EFNA2: variants seen among roughly 807,000 people sequenced by gnomAD.
EFNA2 encodes ephrin A2.
In EFNA2, 18 loss-of-function variants were observed where a neutral mutation model predicts 19.7. That is an observed-to-expected ratio of 0.91 (90% CI 0.63 to 1.35). The LOEUF (loss-of-function observed/expected upper bound fraction) is 1.35. Among genes scored for constraint, EFNA2 ranks in the 40% most tolerant of loss-of-function variants. EFNA2 has a pLI of 0.00. For missense variants in EFNA2, 303 were observed against 296.0 expected, an observed-to-expected ratio of 1.02 and a Z score of -0.17; for synonymous variants, 187 against 137.8, an observed-to-expected ratio of 1.36 and a Z score of -2.50.
At chr19:1,290,638 G>A (rs1330323068) in intron 1 of EFNA2, among the ~76,000 whole-genome samples, 3 of 152,250 alleles carry the variant, frequency 2.0e-5, no homozygotes, top group Non-Finnish European at 4.4e-5. Context: ...CCCGGGACAC[G>A]GCTTCTCTCC....
rs116801141 is a variant in EFNA2 at position 1,300,183 on chromosome 19, C to A, written c.*238C>A. The A allele has an allele frequency of 5.2e-4, 159 of 306,618 alleles. 1 individual carries two copies. The highest frequency in any genetic ancestry group is 3.8e-3 in the African/African-American group (147 of 38,984). The allele number at this position is 306,618 out of a possible 1,614,324, so 19.0% of individuals were successfully genotyped here. On this transcript the variant is annotated 3_prime_UTR_variant, in exon 4 of 4. Transcript: ENST00000215368. ...GGCCCGAGGGGCCGGGGTGTGGATG[C>A]GGACCGTGGCCAGGCCATCTCCTCT...
At position 1,294,434 on chromosome 19, in the gene EFNA2, G is replaced by A. The variant is rs1362668770; in HGVS notation, c.141-1111G>A. ...TGTGGGTTGCGTCTGGGGGACCTCA[G>A]GGCAAAGGCCTGGAGGCAGGGCTGG... is the stretch of plus-strand genomic sequence containing the variant. On this transcript the variant is annotated intron_variant, in intron 1 of 3. Transcript: ENST00000215368. The surrounding 1 kb of genome is among the most constrained non-coding windows in gnomAD (Gnocchi z 5.8). 2.0e-5 allele frequency among the ~76,000 whole-genome samples: 3 copies of A among 152,318 alleles called. No homozygotes were observed. Among genetic ancestry groups the A allele is most frequent in the East Asian group, 3.9e-4 (2 of 5,176 alleles).
chr19:1,292,859 C>T (rs1021466681), intron 1 of EFNA2, among the ~76,000 whole-genome samples: 10 of 152,310 alleles, frequency 6.6e-5, no homozygotes, highest in Admixed American at 5.9e-4. Context: ...CCTGGCCGCT[C>T]AGCCACACAG....
chr19:1,284,721 C>T (rs1349137450), upstream of EFNA2, among the ~76,000 whole-genome samples: 3 of 152,344 alleles, frequency 2.0e-5, no homozygotes, highest in South Asian at 4.1e-4. This position sits in a 1 kb window ranked among gnomAD's most constrained non-coding sequence, Gnocchi z 5.3. Flanking sequence ...TCTGGGTTCA[C>T]GGTCCCTGCC....
Position 1,287,589 on chromosome 19 carries a change from G to C in EFNA2, c.140+1281G>C, listed in dbSNP as rs1416659924. Among the ~76,000 whole-genome samples the C allele has an allele frequency of 6.6e-6, 1 of 152,114 alleles. No homozygotes were observed. Among genetic ancestry groups the C allele is most frequent in the African/African-American group, 2.4e-5 (1 of 41,422 alleles). On this transcript the variant is annotated intron_variant, in intron 1 of 3. Transcript: ENST00000215368. This position sits in a 1 kb window ranked among gnomAD's most constrained non-coding sequence, Gnocchi z 6.2. Reference sequence around the variant, plus strand: ...GCCCGTGTTCCGCCGTGGGGGTGGGGAACACGCACAGGCCCACCCCCCACC... The same window carrying C: ...GCCCGTGTTCCGCCGTGGGGGTGGGCAACACGCACAGGCCCACCCCCCACC...
At position 1,287,500 on chromosome 19, in the gene EFNA2, C is replaced by T. The variant is rs1331066235; in HGVS notation, c.140+1192C>T. ...CTTGTCCCCTCTGTCTCCTGCTGTC[C>T]TCGGTCCCCGGGAGGAAAGTTGCAT... On this transcript the variant is annotated intron_variant, in intron 1 of 3. Coordinates refer to ENST00000215368, the MANE Select transcript of EFNA2 (RefSeq NM_001405.4). The surrounding 1 kb of genome is among the most constrained non-coding windows in gnomAD (Gnocchi z 6.2). Among the ~76,000 whole-genome samples, 4 of 152,080 alleles carry T rather than the reference C, an allele frequency of 2.6e-5. No individual in the cohort carries two copies. Among genetic ancestry groups the T allele is most frequent in the African/African-American group, 9.7e-5 (4 of 41,422 alleles).
chr19:1,300,598 C>A lies in EFNA2; in HGVS notation c.*653C>A, dbSNP rs959821637. Among the ~76,000 whole-genome samples the A allele has an allele frequency of 9.2e-5, 14 of 152,140 alleles. No homozygotes were observed. The highest frequency in any genetic ancestry group is 1.5e-5 in the Non-Finnish European group (1 of 68,022). On this transcript the variant is annotated 3_prime_UTR_variant, in exon 4 of 4. Transcript: ENST00000215368. Reference sequence around the variant, plus strand: ...CACAGCTGCAGCCCACCGCGGACCCCCCTGGTGCTCCAGGTTGGGTGAGTC... The same window carrying A: ...CACAGCTGCAGCCCACCGCGGACCCACCTGGTGCTCCAGGTTGGGTGAGTC...
rs1473111252 is a variant in EFNA2, at chr19:1,300,917, C to T, written c.*972C>T. Among the ~76,000 whole-genome samples the T allele has an allele frequency of 2.0e-5, 3 of 151,830 alleles. No homozygotes were observed. Among genetic ancestry groups the T allele is most frequent in the Non-Finnish European group, 2.9e-5 (2 of 67,968 alleles). ...TTTATTTTCCACGTATTCCTGAGGA[C>T]GGACTGGACCGTCTATGTTTTTTCA... On this transcript the variant is annotated 3_prime_UTR_variant, in exon 4 of 4. Transcript: ENST00000215368.
intron 2 of EFNA2, 42 bp from the exon 3 acceptor site, chr19:1,298,509 C>T: frequency 6.2e-7 from 1 of 1,606,342 alleles, no homozygotes; most frequent in Non-Finnish European, 8.5e-7. Context: ...TCTCAGGCAC[C>T]AAGAGGCACT....
Position 1,297,691 on chromosome 19 carries a change from C to A in EFNA2, c.455-860C>A, listed in dbSNP as rs1009694135. On this transcript the variant is annotated intron_variant, in intron 2 of 3. Transcript: ENST00000215368. This position sits in a 1 kb window ranked among gnomAD's most constrained non-coding sequence, Gnocchi z 5.0. ...CCTCCTCTCTTGATCCTTGCAGACGCCCCCACTGCACTCCAGGATGCTTCT... is the reference window on the plus strand; with the variant it reads ...CCTCCTCTCTTGATCCTTGCAGACGACCCCACTGCACTCCAGGATGCTTCT... 1.3e-5 allele frequency among the ~76,000 whole-genome samples: 2 copies of A among 152,108 alleles called. No homozygotes were observed. The highest frequency in any genetic ancestry group is 2.9e-5 in the Non-Finnish European group (2 of 68,018).
intron 1 of EFNA2, among the ~76,000 whole-genome samples, chr19:1,291,776 T>G (rs565845925): frequency 1.3e-5 from 2 of 152,280 alleles, no homozygotes; most frequent in South Asian, 4.1e-4. Flanking sequence ...ACTTGACAAT[T>G]GCCCGATTGG....
In EFNA2 at chr19:1,295,852, T is replaced by C; in HGVS notation, c.448T>C (p.Tyr150His). ...FEFRPGHEYY[Y>H]ISATPPNAVD... ...GTTCCGGCCCGGCCACGAGTATTAC[T>C]ACATCTGTGAGTGGGGTCGGGCCGG... The change falls in exon 2 of 4, where the codon TAC (tyrosine) becomes CAC (histidine). Residue 150 changes from tyrosine to histidine, a missense_variant. Transcript: ENST00000215368. This position sits in a 1 kb window ranked among gnomAD's most constrained non-coding sequence, Gnocchi z 5.8. The C allele has an allele frequency of 6.3e-7, 1 of 1,588,960 alleles. No homozygotes were observed. The highest frequency in any genetic ancestry group is 8.5e-7 in the Non-Finnish European group (1 of 1,171,680).
At chr19:1,293,612 G>A (rs1050836179) in intron 1 of EFNA2, among the ~76,000 whole-genome samples, 5 of 151,384 alleles carry the variant, frequency 3.3e-5, no homozygotes, top group African/African-American at 1.2e-4. Flanking sequence ...CAGGCCTGGT[G>A]CCCGGGGGAG....
chr19:1,288,514 C>G (rs938272443), intron 1 of EFNA2, among the ~76,000 whole-genome samples: 1 of 151,980 alleles, frequency 6.6e-6, no homozygotes, highest in Non-Finnish European at 1.5e-5. Flanking sequence ...GAGGGGCATA[C>G]AGAAAGGCAC....
chr19:1,288,683 T>C (rs1451333763), intron 1 of EFNA2, among the ~76,000 whole-genome samples: 2 of 151,964 alleles, frequency 1.3e-5, no homozygotes, highest in Non-Finnish European at 2.9e-5. Flanking sequence ...GACTGTGTGG[T>C]CTGTCTCCAC....
rs552558273 is a variant in EFNA2 at position 1,286,467 on chromosome 19, C to T, written c.140+159C>T. Among the ~76,000 whole-genome samples, 558 of 151,228 alleles carry T rather than the reference C, an allele frequency of 3.7e-3. 3 individuals carry two copies. Among genetic ancestry groups the T allele is most frequent in the African/African-American group, 0.013 (520 of 41,382 alleles). Reference sequence around the variant, plus strand: ...GCGGGAGCCCCCCAGGGAGCTCCGGCCCCCCGGAGTTTGGGGGACTCGCCC... The same window carrying T: ...GCGGGAGCCCCCCAGGGAGCTCCGGTCCCCCGGAGTTTGGGGGACTCGCCC... On this transcript the variant is annotated intron_variant, in intron 1 of 3. Coordinates refer to ENST00000215368, the MANE Select transcript of EFNA2 (RefSeq NM_001405.4). This position sits in a 1 kb window ranked among gnomAD's most constrained non-coding sequence, Gnocchi z 5.6.
chr19:1,291,614 ACGGGTGCAGGCGTCCACCTG>A (rs1446398528), intron 1 of EFNA2, among the ~76,000 whole-genome samples: 1 of 152,070 alleles, frequency 6.6e-6, no homozygotes, highest in African/African-American at 2.4e-5. Context: ...AGAGATGCAG[ACGGGTGCAGGCGTCCACCTG>A]CCCACCCACG....
intron 1 of EFNA2, among the ~76,000 whole-genome samples, chr19:1,290,258 G>A (rs774606751): frequency 1.8e-4 from 27 of 152,122 alleles, no homozygotes; most frequent in Non-Finnish European, 2.4e-4. Flanking sequence ...TGCTTCTGCC[G>A]AGGCACCATG....
Position 1,300,004 on chromosome 19 carries a change from C to T in EFNA2, c.*59C>T, listed in dbSNP as rs534635909. ...CGGCCCCGCCTGGACCGCCTGACCT[C>T]GGCCCTCCGGACCCGGCTGCGGCCC... is the stretch of plus-strand genomic sequence containing the variant. On this transcript the variant is annotated 3_prime_UTR_variant, in exon 4 of 4. Transcript: ENST00000215368. 105 of 1,534,548 alleles carry T rather than the reference C, an allele frequency of 6.8e-5. No homozygotes were observed. In the South Asian group the frequency reaches 9.6e-4, roughly 14 times the overall value.
Sources: gnomAD v4.1 joint callset for allele counts (sites outside exome capture counted in the v4.1 genomes callset) on GRCh38, gnomAD v4.1.1 for gene constraint, Gnocchi (gnomAD v3.1) non-coding constraint, MANE v1.5 for transcripts, NCBI Gene and HGNC (gene_info 2026-07-23, HGNC 2026-07-21) for gene names.